CD226: variants seen among roughly 807,000 people sequenced by gnomAD.
The protein encoded by CD226 is CD226 molecule.
A neutral mutation model predicts 34.9 loss-of-function variants in CD226; 24 were observed. The observed-to-expected ratio is 0.69, with a 90% confidence interval of 0.50 to 0.97. The LOEUF (loss-of-function observed/expected upper bound fraction) is 0.97. Ranked by LOEUF, CD226 falls within the 50% of genes least tolerant of loss-of-function variation. CD226 has a pLI of 0.00. For synonymous variants in CD226, 148 were observed against 147.4 expected (o/e 1.00, Z -0.03); for missense variants, 397 against 412.7 (o/e 0.96, Z 0.33).
intron 3 of CD226, among the ~76,000 whole-genome samples, chr18:69,874,963 C>A (rs879757764): frequency 2.0e-4 from 31 of 152,158 alleles, no homozygotes; most frequent in Middle Eastern, 6.8e-3. Flanking sequence ...ACCACATTTT[C>A]TTTATCTATT....
upstream of CD226, among the ~76,000 whole-genome samples, chr18:69,948,283 G>A (rs1284463976): frequency 6.6e-6 from 1 of 152,032 alleles, no homozygotes. Context: ...AACTTGTTAG[G>A]TACAAGTTCC....
At chr18:69,938,387 C>T (rs147750715) in intron 2 of CD226, among the ~76,000 whole-genome samples, 23 of 152,330 alleles carry the variant, frequency 1.5e-4, no homozygotes, top group African/African-American at 5.1e-4. Context: ...CTCCAAGCCA[C>T]AAGCTATGAC....
Position 69,881,579 on chromosome 18 carries a change from G to C in CD226, c.728-8333C>G, listed in dbSNP as rs17081766. Among the ~76,000 whole-genome samples, 794 of 152,292 alleles carry C rather than the reference G, an allele frequency of 5.2e-3. 28 individuals carry two copies. The East Asian group carries it at 0.084, about 16-fold the overall frequency. ...GGTTTCAACATTTTAAGCGCCAAAC[G>C]ATTTAGGTTATTAATCATGCATATT... On this transcript the variant is annotated intron_variant, in intron 3 of 5. Transcript: ENST00000582621.
Position 69,895,825 on chromosome 18 carries a change from G to A in CD226, c.603C>T (p.His201=), listed in dbSNP as rs770109810. 1.5e-5 allele frequency: 24 copies of A among 1,614,038 alleles called. No homozygotes were observed. Among genetic ancestry groups the A allele is most frequent in the African/African-American group, 1.1e-4 (8 of 74,932 alleles). Residue 201 remains histidine (H), a synonymous_variant, in exon 3 of 6, where the codon CAC becomes CAT. Transcript: ENST00000582621. ...GGATGACGATGACGCTCCACCTTCC[G>A]TGGCTGCAGTTGCTCACTATTTGTC... ...FPRQIVSNCS[H]GRWSVIVIPD...
intron 2 of CD226, among the ~76,000 whole-genome samples, chr18:69,907,697 G>T (rs558117244): frequency 6.6e-6 from 1 of 152,146 alleles, no homozygotes; most frequent in Non-Finnish European, 1.5e-5. Context: ...AGTGGCTGGG[G>T]ATTGGGAGAA....
intron 2 of CD226, among the ~76,000 whole-genome samples, chr18:69,896,712 TG>T (rs1985324486): frequency 6.6e-6 from 1 of 152,218 alleles, no homozygotes; most frequent in Non-Finnish European, 1.5e-5. Flanking sequence ...GCTGGGCTGG[TG>T]TCTCTGACAC....
In CD226 at chr18:69,857,792, C is replaced by T. The variant is rs1249554818; in HGVS notation, c.*6522G>A. 6.6e-6 allele frequency: 1 copy of T among 152,142 alleles called. No homozygotes were observed. The highest frequency in any genetic ancestry group is 1.9e-4 in the East Asian group (1 of 5,198). The allele number at this position is 152,142 out of a possible 1,614,324, so 9.4% of individuals were successfully genotyped here. A position where few individuals can be genotyped will look rare whatever the true frequency, so the allele number is the denominator to read the frequency against. On this transcript the variant is annotated 3_prime_UTR_variant, in exon 6 of 6. Coordinates refer to ENST00000582621, the MANE Select transcript of CD226 (RefSeq NM_001303618.2). ...TATTTGACCACAGGTAGAAGATTGG[C>T]TCTGCTTTCTTCCTGTAATAATATT...
At chr18:69,869,949 C>T (rs897384122) in intron 4 of CD226, among the ~76,000 whole-genome samples, 30 of 151,272 alleles carry the variant, frequency 2.0e-4, no homozygotes, top group Non-Finnish European at 2.8e-4. Context: ...TACAGGCGCC[C>T]GCCACCATGC....
At chr18:69,946,612 T>G (rs1420271018) in intron 2 of CD226, 122 bp downstream of exon 2, 5 of 682,664 alleles carry the variant, frequency 7.3e-6, no homozygotes, top group Non-Finnish European at 1.2e-5. Flanking sequence ...CATCTAGAAA[T>G]GGAATTGGAG....
At chr18:69,867,561 A>G in intron 4 of CD226, 150 bp from the exon 5 acceptor site, 1 of 569,102 alleles carries the variant, frequency 1.8e-6, no homozygotes, top group Admixed American at 2.9e-5. Flanking sequence ...AAATTCTGTT[A>G]CCCTACAGTT....
intron 2 of CD226, among the ~76,000 whole-genome samples, chr18:69,913,496 G>A (rs1599003271): frequency 6.6e-6 from 1 of 152,088 alleles, no homozygotes; most frequent in African/African-American, 2.4e-5. Context: ...ATGAAAAACT[G>A]CCTAAAGCAA....
Position 69,928,572 on chromosome 18 carries a change from G to C in CD226, c.382+18162C>G, listed in dbSNP as rs140509672. 1.5e-3 allele frequency among the ~76,000 whole-genome samples: 222 copies of C among 152,276 alleles called. 2 individuals are homozygous for C. The highest frequency in any genetic ancestry group is 5.1e-3 in the African/African-American group (214 of 41,560). The stretch of plus-strand genomic sequence containing the variant: ...TTTCCTTAGCTGAAGAATGAGTACA[G>C]GTTGAGTATCCCTTATCCAAAATAC... On this transcript the variant is annotated intron_variant, in intron 2 of 5. Coordinates refer to ENST00000582621, the MANE Select transcript of CD226 (RefSeq NM_001303618.2).
chr18:69,867,030 T>C (rs1409083081), intron 5 of CD226, among the ~76,000 whole-genome samples: 1 of 152,188 alleles, frequency 6.6e-6, no homozygotes, highest in Non-Finnish European at 1.5e-5. Flanking sequence ...AGATTTCTGT[T>C]GTTTTAAGCC....
intron 2 of CD226, among the ~76,000 whole-genome samples, chr18:69,896,358 T>C (rs1287147597): frequency 6.6e-6 from 1 of 152,052 alleles, no homozygotes; most frequent in African/African-American, 2.4e-5. Flanking sequence ...ATTTTTTGTA[T>C]TTTTAGTAGA....
chr18:69,881,803 G>C (rs1984280558), intron 3 of CD226, among the ~76,000 whole-genome samples: 1 of 151,932 alleles, frequency 6.6e-6, no homozygotes, highest in Non-Finnish European at 1.5e-5. Flanking sequence ...CTGTTGCCTT[G>C]GCAGACCACC....
intron 2 of CD226, among the ~76,000 whole-genome samples, chr18:69,914,223 C>T (rs183088140): frequency 2.0e-5 from 3 of 152,332 alleles, no homozygotes; most frequent in Admixed American, 2.0e-4. Flanking sequence ...CAAAACTACT[C>T]TACGACCTTG....
Position 69,864,024 on chromosome 18 carries a change from C to G in CD226, c.*290G>C, listed in dbSNP as rs1207900361. 4.2e-6 allele frequency: 1 copy of G among 238,624 alleles called. No homozygotes were observed. Among genetic ancestry groups the G allele is most frequent in the African/African-American group, 2.3e-5 (1 of 44,176 alleles). 14.8% of individuals were successfully genotyped at this position (238,624 alleles called of 1,614,324 possible). On this transcript the variant is annotated 3_prime_UTR_variant, in exon 6 of 6. Transcript: ENST00000582621. ...TTATGCCCATACTTAATTCTAGACA[C>G]AACATTTAAGCCCTGGTAAATAGCC...
intron 2 of CD226, among the ~76,000 whole-genome samples, chr18:69,922,529 C>T (rs2055465164): frequency 6.6e-6 from 1 of 152,218 alleles, no homozygotes; most frequent in Non-Finnish European, 1.5e-5. Flanking sequence ...AATCCTCCTG[C>T]CTCGGTTTCC....
At chr18:69,951,281 A>C (rs1052678153), upstream of CD226, among the ~76,000 whole-genome samples, 1 of 152,046 alleles carries the variant, frequency 6.6e-6, no homozygotes, top group Admixed American at 6.6e-5. Context: ...CCCAGCCTGA[A>C]AACTATGATT....
Sources: allele counts gnomAD v4.1 joint callset (sites outside exome capture counted in the v4.1 genomes callset), GRCh38; gene constraint gnomAD v4.1.1; transcripts MANE v1.5; gene names NCBI Gene and HGNC (gene_info 2026-07-23, HGNC 2026-07-21).